Variants in FREM1 observed in about 807,000 individuals in gnomAD.
FREM1 encodes FRAS1 related extracellular matrix 1.
A neutral mutation model predicts 210.1 loss-of-function variants in FREM1; 220 were observed. The observed-to-expected ratio is 1.05, with a 90% confidence interval of 0.94 to 1.17. The LOEUF (loss-of-function observed/expected upper bound fraction) is 1.17, where lower values mean the gene tolerates loss of function less well. FREM1 is among the 50% of genes most tolerant of loss of function. The pLI, the probability that FREM1 is intolerant of heterozygous loss-of-function variation, is 0.00. For synonymous variants in FREM1, 1,189 were observed against 980.2 expected (o/e 1.21, Z -3.98); for missense variants, 3,454 against 2,675.5 (o/e 1.29, Z -6.42).
At chr9:14,787,243 GA>G (rs1850562469) in intron 23 of FREM1, among the ~76,000 whole-genome samples, 3 of 151,314 alleles carry the variant, frequency 2.0e-5, no homozygotes, top group South Asian at 4.2e-4. Flanking sequence ...GCAGCAACCT[GA>G]AAAAACTCAT....
At chr9:14,830,628 G>A (rs527708351) in intron 10 of FREM1, among the ~76,000 whole-genome samples, 10 of 152,170 alleles carry the variant, frequency 6.6e-5, no homozygotes, top group South Asian at 2.1e-4. Context: ...CTCCTCTTTC[G>A]GCTTTGGAGC....
At position 14,747,309 on chromosome 9, in the gene FREM1, T is replaced by C. The variant is rs779162732; in HGVS notation, c.5964A>G (p.Gln1988=). 1.2e-6 allele frequency: 2 copies of C among 1,613,776 alleles called. No homozygotes were observed. Among genetic ancestry groups the C allele is most frequent in the Middle Eastern group, 1.7e-4 (1 of 6,058 alleles). The part of the protein sequence containing the change: ...QKTIKVAELP[Q]ADKVESTTDS... ...CAGTTGTGGATTCCACCTTATCTGC[T>C]TGAGGCAGTTCTGCCACTTTGATTG... The change falls in exon 33 of 37, where the codon CAA becomes CAG. Residue 1988 remains glutamine (Q), a synonymous_variant. Transcript: ENST00000380880.
At chr9:14,802,966 ACTTC>A (rs1204487206) in intron 19 of FREM1, among the ~76,000 whole-genome samples, 3 of 150,460 alleles carry the variant, frequency 2.0e-5, no homozygotes, top group Admixed American at 6.6e-5. Context: ...ATTTGTGAAA[ACTTC>A]CTTCCTTCCT....
Position 14,759,853 on chromosome 9 carries a change from T to C in FREM1, c.5253A>G (p.Glu1751=). The change falls in exon 28 of 37, where the codon GAA becomes GAG. Residue 1751 remains glutamate, a synonymous_variant. Coordinates refer to ENST00000380880, the MANE Select transcript of FREM1 (RefSeq NM_001379081.2). ...SHIEWSQTEY[E]VCENVGLLPL... ...GCAACAAACCCACATTCTCACAGACTTCATATTCGGTCTGTGACCATTCAA... is the reference window on the plus strand; with the variant it reads ...GCAACAAACCCACATTCTCACAGACCTCATATTCGGTCTGTGACCATTCAA... 6.2e-7 allele frequency: 1 copy of C among 1,610,674 alleles called. No homozygotes were observed. Among genetic ancestry groups the C allele is most frequent in the Non-Finnish European group, 8.5e-7 (1 of 1,177,186 alleles).
chr9:14,864,607 G>T (rs1309888702), intron 2 of FREM1, among the ~76,000 whole-genome samples: 2 of 152,192 alleles, frequency 1.3e-5, no homozygotes, highest in Non-Finnish European at 2.9e-5. Flanking sequence ...ATTATTAGGA[G>T]ATTGTTAACT....
At chr9:14,769,938 A>G in intron 26 of FREM1, 70 bp from the exon 27 acceptor site, 2 of 751,412 alleles carry the variant, frequency 2.7e-6, no homozygotes, top group Non-Finnish European at 4.2e-6. Context: ...ATAAAATTGT[A>G]TGGCTATTTT....
Position 14,775,961 on chromosome 9 carries a change from A to G in FREM1, c.4685T>C (p.Leu1562Pro). ...CTGCTGGGTGAAATTGTGTTGAAGT[A>G]GCCCTGTCCCCCACAGGTAGAGCTG... ...HGQLYLWGTG[L>P]LQHNFTQQDV... Residue 1562 changes from leucine (L) to proline (P), a missense_variant, in exon 25 of 37, where the codon CTA (leucine) becomes CCA (proline). By Grantham distance (98) the Leu-to-Pro change is moderately conservative. Coordinates refer to ENST00000380880, the MANE Select transcript of FREM1 (RefSeq NM_001379081.2). 6.2e-7 allele frequency: 1 copy of G among 1,614,004 alleles called. No individual in the cohort carries two copies. The highest frequency in any genetic ancestry group is 8.5e-7 in the Non-Finnish European group (1 of 1,179,886).
At chr9:14,826,051 C>T (rs1284793878) in intron 10 of FREM1, among the ~76,000 whole-genome samples, 1 of 151,806 alleles carries the variant, frequency 6.6e-6, no homozygotes, top group Non-Finnish European at 1.5e-5. Context: ...AATATCCAAA[C>T]TCCTTAGCAT....
intron 5 of FREM1, among the ~76,000 whole-genome samples, chr9:14,853,445 C>G (rs982439123): frequency 4.6e-5 from 7 of 152,098 alleles, no homozygotes. Context: ...TAGAAATAAT[C>G]CTCTTAAGAG....
rs564312521 is a variant in FREM1 at position 14,860,886 on chromosome 9, C to CAT, written c.330-1404_330-1403dup. On this transcript the variant is annotated intron_variant, in intron 3 of 36. Transcript: ENST00000380880. The stretch of plus-strand genomic sequence containing the variant: ...ACACATATATATACGTATATATACA[C>CAT]ATATATACATATATACACATATACA... Among the ~76,000 whole-genome samples, 52 of 61,202 alleles carry CAT rather than the reference C, an allele frequency of 8.5e-4. 1 individual carries two copies. Among genetic ancestry groups the CAT allele is most frequent in the African/African-American group, 4.4e-3 (40 of 9,142 alleles). 40.2% of individuals were successfully genotyped at this position (61,202 alleles called of 152,430 possible). A position where few individuals can be genotyped will look rare whatever the true frequency, so the allele number is the denominator to read the frequency against.
chr9:14,860,556 C>CGT lies in FREM1; in HGVS notation c.330-1073_330-1072insAC, dbSNP rs1829644005. Among the ~76,000 whole-genome samples, 5 of 63,188 alleles carry CGT rather than the reference C, an allele frequency of 7.9e-5. No individual in the cohort carries two copies. The South Asian group carries it at 2.2e-3, about 27-fold the overall frequency. The allele number at this position is 63,188 out of a possible 152,430, so 41.5% of individuals were successfully genotyped here. A position where few individuals can be genotyped will look rare whatever the true frequency, so the allele number is the denominator to read the frequency against. On this transcript the variant is annotated intron_variant, in intron 3 of 36. Coordinates refer to ENST00000380880, the MANE Select transcript of FREM1 (RefSeq NM_001379081.2). Reference sequence around the variant, plus strand: ...ATGTATATATATACACATATATATACACACATATATATACACATATATATA... The same window carrying CGT: ...ATGTATATATATACACATATATATACGTACACATATATATACACATATATATA...
In FREM1 at chr9:14,784,641, G is replaced by A. The variant is rs753527708; in HGVS notation, c.4178-7C>T. On this transcript the variant is annotated splice_polypyrimidine_tract_variant and splice_region_variant and intron_variant, in intron 23 of 36. Coordinates refer to ENST00000380880, the MANE Select transcript of FREM1 (RefSeq NM_001379081.2). ...GTAAGGATGACAATATCACCTACAT[G>A]ACATAAGAGGTTATGGTCAATAATC... 3.9e-6 allele frequency: 6 copies of A among 1,535,194 alleles called. No individual in the cohort carries two copies. The South Asian group carries it at 7.8e-5, about 20-fold the overall frequency.
chr9:14,774,934 A>G (rs1293191696), intron 25 of FREM1, among the ~76,000 whole-genome samples: 1 of 152,220 alleles, frequency 6.6e-6, no homozygotes, highest in Non-Finnish European at 1.5e-5. Context: ...TATGAGTTTT[A>G]TGAGAATCAA....
intron 21 of FREM1, among the ~76,000 whole-genome samples, chr9:14,795,285 G>A (rs1198845984): frequency 2.0e-5 from 3 of 152,180 alleles, no homozygotes; most frequent in African/African-American, 7.2e-5. Flanking sequence ...CATTTACAGA[G>A]AGGTTAACAG....
chr9:14,818,829 C>G (rs973715256), intron 14 of FREM1, among the ~76,000 whole-genome samples: 1 of 152,164 alleles, frequency 6.6e-6, no homozygotes, highest in Non-Finnish European at 1.5e-5. Flanking sequence ...CAACAGAGTT[C>G]TATCCCAGAG....
chr9:14,861,142 T>C (rs1830313064), intron 3 of FREM1, among the ~76,000 whole-genome samples: 1 of 109,650 alleles, frequency 9.1e-6, no homozygotes, highest in Admixed American at 9.6e-5. Context: ...TATATACATA[T>C]ATACACATAT....
chr9:14,856,697 G>A (rs555850260), intron 5 of FREM1, among the ~76,000 whole-genome samples: 1 of 152,064 alleles, frequency 6.6e-6, no homozygotes, highest in African/African-American at 2.4e-5. Context: ...GCCGGGCGTG[G>A]TGGCAGGCGC....
intron 35 of FREM1, among the ~76,000 whole-genome samples, chr9:14,742,701 T>C (rs1841785421): frequency 6.6e-6 from 1 of 152,142 alleles, no homozygotes; most frequent in African/African-American, 2.4e-5. Context: ...GAAAGGTTAG[T>C]TTGATTCAAA....
At chr9:14,825,547 G>GTGTGTGTGTATATGTATATATATATA in intron 10 of FREM1, among the ~76,000 whole-genome samples, 1 of 75,932 alleles carries the variant, frequency 1.3e-5, no homozygotes, top group African/African-American at 5.6e-5. Flanking sequence ...GTGTGTGTGT[G>GTGTGTGTGTATATGTATATATATATA]TATATATATA....
Sources: gnomAD v4.1 joint callset for allele counts (sites outside exome capture counted in the v4.1 genomes callset) on GRCh38, gnomAD v4.1.1 for gene constraint, MANE v1.5 for transcripts, NCBI Gene and HGNC (gene_info 2026-07-23, HGNC 2026-07-21) for gene names.